The following NIPBL variants were observed in gnomAD, a reference collection of about 807,000 sequenced individuals.
NIPBL encodes the protein nipped-B-like protein.
Under a neutral mutation model 321.8 loss-of-function variants are expected in NIPBL, and 19 were observed. The ratio of observed to expected loss-of-function variants is 0.06; its 90% confidence interval spans 0.04 to 0.09. The LOEUF (loss-of-function observed/expected upper bound fraction) is 0.09, where lower values mean the gene tolerates loss of function less well. Ranked by LOEUF, NIPBL falls within the 10% of genes least tolerant of loss-of-function variation. The pLI, the probability that NIPBL is intolerant of heterozygous loss-of-function variation, is 1.00. For synonymous variants in NIPBL, 1,106 were observed against 1,114.1 expected (o/e 0.99, Z 0.14); for missense variants, 2,210 against 3,327.0 (o/e 0.66, Z 8.26).
chr5:36,985,930 A>T lies in NIPBL; in HGVS notation c.2750A>T (p.Asp917Val), dbSNP rs766774397. The T allele has an allele frequency of 6.2e-7, 1 of 1,613,884 alleles. No individual in the cohort carries two copies. The highest frequency in any genetic ancestry group is 1.3e-5 in the African/African-American group (1 of 74,912). ...KLGFKSPTSK[D>V]DKRTEGNKSK... is the part of the protein sequence containing the mutation. ...GGTTTTAAATCACCAACTAGTAAAGATGACAAAAGGACAGAGGGTAACAAG... is the reference window on the plus strand; with the variant it reads ...GGTTTTAAATCACCAACTAGTAAAGTTGACAAAAGGACAGAGGGTAACAAG... Residue 917 changes from aspartate (D) to valine (V), a missense_variant, in exon 10 of 47, where the codon GAT (aspartate) becomes GTT (valine). Coordinates refer to ENST00000282516, the MANE Select transcript of NIPBL (RefSeq NM_133433.4).
At chr5:36,894,866 C>A (rs985004464) in intron 1 of NIPBL, among the ~76,000 whole-genome samples, 8 of 152,158 alleles carry the variant, frequency 5.3e-5, no homozygotes, top group Admixed American at 3.3e-4. Context: ...TCTTCTCAGT[C>A]AGATTATAAA....
chr5:37,044,708 G>A lies in NIPBL; in HGVS notation c.6322G>A (p.Ala2108Thr), dbSNP rs587784006. ...GACACAAAATTTTAAATTTGTGTGG[G>A]CTTGTTTCAATAGATACTATGGTAA... ...KVTQNFKFVW[A>T]CFNRYYGAIS... Residue 2108 changes from alanine to threonine, a missense_variant, in exon 36 of 47, where the codon GCT becomes ACT. This residue lies in a region of NIPBL where 73 missense variants were observed against 222.3 expected (regional missense o/e 0.33). Coordinates refer to ENST00000282516, the MANE Select transcript of NIPBL (RefSeq NM_133433.4). The A allele has an allele frequency of 1.9e-6, 3 of 1,613,052 alleles. No homozygotes were observed. Among genetic ancestry groups the A allele is most frequent in the Non-Finnish European group, 2.5e-6 (3 of 1,179,158 alleles).
rs746979855 is a variant in NIPBL at position 37,057,352 on chromosome 5, A to G, written c.7410+20A>G. 2 of 1,609,266 alleles carry G rather than the reference A, an allele frequency of 1.2e-6. No individual in the cohort carries two copies. Among genetic ancestry groups the G allele is most frequent in the African/African-American group, 1.3e-5 (1 of 74,948 alleles). ...AAGGAGGTAAGTTACACACATTACT[A>G]TTCTTAATCCATCTGTCAAAGTGCA... On this transcript the variant is annotated intron_variant, in intron 43 of 46. Coordinates refer to ENST00000282516, the MANE Select transcript of NIPBL (RefSeq NM_133433.4).
At chr5:37,008,826 A>T in intron 20 of NIPBL, 103 bp downstream of exon 20, 1 of 744,590 alleles carries the variant, frequency 1.3e-6, no homozygotes, top group Non-Finnish European at 2.4e-6. Flanking sequence ...TTTAATAATT[A>T]AAAACTAGGC....
At chr5:37,007,809 A>G (rs1377373594) in intron 18 of NIPBL, among the ~76,000 whole-genome samples, 199 bp from the exon 19 acceptor site, 1 of 152,036 alleles carries the variant, frequency 6.6e-6, no homozygotes, top group African/African-American at 2.4e-5. Flanking sequence ...CTATGATACA[A>G]TGTACCTGTT....
At chr5:36,918,836 T>G (rs1258332737) in intron 1 of NIPBL, among the ~76,000 whole-genome samples, 1 of 152,212 alleles carries the variant, frequency 6.6e-6, no homozygotes, top group East Asian at 1.9e-4. Flanking sequence ...TTTATTGATT[T>G]TTGTATGTTG....
chr5:36,938,670 T>C (rs1037891231), intron 1 of NIPBL, among the ~76,000 whole-genome samples: 1 of 152,214 alleles, frequency 6.6e-6, no homozygotes, highest in South Asian at 2.1e-4. Flanking sequence ...ACACAGACTA[T>C]TACTGTTTTT....
rs1753220842 is a variant in NIPBL, at chr5:37,048,748, TATCTAAATTTCCTTATTTGTTAG to T, written c.6763+76_6763+98del. ...ATGGCTTTATCTTCTTTAATCTAAA[TATCTAAATTTCCTTATTTGTTAG>T]ATGAAGAAATTCAGTTAAATAGCAG... On this transcript the variant is annotated intron_variant, in intron 39 of 46. Coordinates refer to ENST00000282516, the MANE Select transcript of NIPBL (RefSeq NM_133433.4). 89 of 1,216,728 alleles carry T rather than the reference TATCTAAATTTCCTTATTTGTTAG, an allele frequency of 7.3e-5. 1 individual carries two copies. The South Asian group carries it at 1.1e-3, about 15-fold the overall frequency. 75.4% of individuals were successfully genotyped at this position (1,216,728 alleles called of 1,614,324 possible).
intron 10 of NIPBL, among the ~76,000 whole-genome samples, chr5:36,991,654 ATTGAAG>A (rs1231649869): frequency 6.6e-6 from 1 of 151,450 alleles, no homozygotes; most frequent in Non-Finnish European, 1.5e-5. Context: ...CTTACCTCTA[ATTGAAG>A]TTGAAGATCC....
rs1436865517 is a variant in NIPBL, at chr5:37,013,244, C to T, written c.4561-1439C>T. ...GCTCCTCACTTCCCAGTAGGCGCGG[C>T]CGGGCAGAGGCGCCCCTCACCTCGC... On this transcript the variant is annotated intron_variant, in intron 21 of 46. Transcript: ENST00000282516. Among the ~76,000 whole-genome samples, 3 of 150,564 alleles carry T rather than the reference C, an allele frequency of 2.0e-5. No homozygotes were observed. In the East Asian group the frequency reaches 6.0e-4, roughly 30 times the overall value.
chr5:36,935,240 T>C (rs1175679253), intron 1 of NIPBL, among the ~76,000 whole-genome samples: 1 of 152,160 alleles, frequency 6.6e-6, no homozygotes, highest in Non-Finnish European at 1.5e-5. Flanking sequence ...CCATTCACTC[T>C]CCTAGATGAT....
chr5:36,935,268 TC>T (rs1750071541), intron 1 of NIPBL, among the ~76,000 whole-genome samples: 1 of 152,122 alleles, frequency 6.6e-6, no homozygotes, highest in African/African-American at 2.4e-5. Flanking sequence ...TTCTTTTTCC[TC>T]TCCTGAAAAC....
intron 14 of NIPBL, among the ~76,000 whole-genome samples, chr5:37,002,284 C>A (rs931875099): frequency 6.6e-6 from 1 of 152,148 alleles, no homozygotes; most frequent in Admixed American, 6.5e-5. Flanking sequence ...AATACTTTGA[C>A]CTTACACTCC....
At chr5:36,918,903 G>T (rs1748696483) in intron 1 of NIPBL, among the ~76,000 whole-genome samples, 1 of 152,112 alleles carries the variant, frequency 6.6e-6, no homozygotes, top group Non-Finnish European at 1.5e-5. Flanking sequence ...TAAGCTTTTT[G>T]ATGTGCTGCT....
chr5:36,934,438 G>A (rs1047484844), intron 1 of NIPBL, among the ~76,000 whole-genome samples: 1 of 152,052 alleles, frequency 6.6e-6, no homozygotes, highest in Non-Finnish European at 1.5e-5. Flanking sequence ...GGAAGAGTTG[G>A]AACTTGAAGG....
intron 43 of NIPBL, among the ~76,000 whole-genome samples, chr5:37,058,098 C>T (rs1754293553): frequency 6.6e-6 from 1 of 152,138 alleles, no homozygotes; most frequent in Non-Finnish European, 1.5e-5. Flanking sequence ...GAAGTATAGA[C>T]CACACACCAG....
At chr5:37,044,092 C>T (rs935251249) in intron 34 of NIPBL, among the ~76,000 whole-genome samples, 1 of 152,012 alleles carries the variant, frequency 6.6e-6, no homozygotes, top group Non-Finnish European at 1.5e-5. Context: ...ACTTGTGTTA[C>T]ATTTTAGGGA....
chr5:37,048,946 G>GACACACACACACACAC (rs56972789), intron 39 of NIPBL, among the ~76,000 whole-genome samples, 165 bp from the exon 40 acceptor site: 1 of 148,576 alleles, frequency 6.7e-6, no homozygotes, highest in African/African-American at 2.5e-5. Context: ...CTCTGACACA[G>GACACACACACACACAC]ACACACACAC....
chr5:37,039,079 A>G (rs1184534569), intron 34 of NIPBL, among the ~76,000 whole-genome samples: 2 of 151,924 alleles, frequency 1.3e-5, no homozygotes, highest in Non-Finnish European at 2.9e-5. Context: ...TCTGTCATTT[A>G]TAATATAATA....
Sources: gnomAD v4.1 joint callset for allele counts (sites outside exome capture counted in the v4.1 genomes callset) on GRCh38, gnomAD v4.1.1 for gene constraint, gnomAD v4.1.1 regional missense constraint, MANE v1.5 for transcripts, NCBI Gene and HGNC (gene_info 2026-07-23, HGNC 2026-07-21) for gene names.